Variants in CCDC138 observed in about 807,000 individuals in gnomAD.
The protein encoded by CCDC138 is coiled-coil domain containing 138, also known as coiled-coil domain-containing protein 138.
In CCDC138, 66 loss-of-function variants were observed where a neutral mutation model predicts 82.3. The observed-to-expected ratio is 0.80, with a 90% CI of 0.66 to 0.98. CCDC138 has a LOEUF of 0.98. Among genes scored for constraint, CCDC138 ranks in the 50% least tolerant of loss-of-function variants. The pLI is 0.00. For synonymous variants in CCDC138, 297 were observed against 265.4 expected, an observed-to-expected ratio of 1.12 and a Z score of -1.16; for missense variants, 816 against 758.9, an observed-to-expected ratio of 1.08 and a Z score of -0.88.
At chr2:108,846,190 C>T (rs1167362583) in intron 11 of CCDC138, among the ~76,000 whole-genome samples, 1 of 152,040 alleles carries the variant, frequency 6.6e-6, no homozygotes, top group Non-Finnish European at 1.5e-5. Context: ...GGTAGTCCAC[C>T]TCTGTTCCCT....
chr2:108,838,149 A>T (rs1688880312), intron 10 of CCDC138, among the ~76,000 whole-genome samples: 1 of 152,058 alleles, frequency 6.6e-6, no homozygotes, highest in African/African-American at 2.4e-5. Context: ...GCCTCCTGGG[A>T]TACAAGGGCC....
At chr2:108,821,742 C>G (rs1685738758) in intron 10 of CCDC138, among the ~76,000 whole-genome samples, 1 of 151,504 alleles carries the variant, frequency 6.6e-6, no homozygotes, top group Non-Finnish European at 1.5e-5. Context: ...GTCAGAAGTT[C>G]AAGACCAGCC....
intron 13 of CCDC138, among the ~76,000 whole-genome samples, chr2:108,861,601 C>T (rs1247261918): frequency 6.6e-6 from 1 of 151,806 alleles, no homozygotes. Context: ...CTGCCTCAGC[C>T]TCCTGAGTAG....
intron 10 of CCDC138, among the ~76,000 whole-genome samples, chr2:108,828,330 C>CT (rs1258268762): frequency 6.6e-6 from 1 of 151,956 alleles, no homozygotes; most frequent in Non-Finnish European, 1.5e-5. Context: ...AAACATAAAA[C>CT]TTTTATATGT....
At chr2:108,814,781 GC>G (rs1336443127) in intron 9 of CCDC138, among the ~76,000 whole-genome samples, 1 of 150,722 alleles carries the variant, frequency 6.6e-6, no homozygotes, top group African/African-American at 2.4e-5. Flanking sequence ...GATTACAGGC[GC>G]CCACCACCAC....
rs549865014 is a variant in CCDC138 at position 108,854,106 on chromosome 2, AATAT to A, written c.1517-2682_1517-2679del. Among the ~76,000 whole-genome samples, 372 of 134,186 alleles carry A rather than the reference AATAT, an allele frequency of 2.8e-3. 1 individual carries two copies. Among genetic ancestry groups the A allele is most frequent in the African/African-American group, 9.9e-3 (351 of 35,576 alleles). The allele number at this position is 134,186 out of a possible 152,430, so 88.0% of individuals were successfully genotyped here. A position where few individuals can be genotyped will look rare whatever the true frequency, so the allele number is the denominator to read the frequency against. On this transcript the variant is annotated intron_variant, in intron 12 of 14. Transcript: ENST00000295124. ...ATAAATTTATATTATATATATAATA[AATAT>A]ATATAATATATACATATGTAGAAAA...
At chr2:108,818,237 G>A (rs1685108731) in intron 10 of CCDC138, among the ~76,000 whole-genome samples, 1 of 152,200 alleles carries the variant, frequency 6.6e-6, no homozygotes, top group East Asian at 1.9e-4. Context: ...ACCTGGGGGG[G>A]TCGAGGCTGC....
intron 4 of CCDC138, among the ~76,000 whole-genome samples, chr2:108,794,270 G>C (rs1649332): frequency 6.6e-6 from 1 of 152,042 alleles, no homozygotes; most frequent in African/African-American, 2.4e-5. Context: ...GGCAATTAGT[G>C]TCTTTTTATA....
At chr2:108,788,746 G>T in intron 2 of CCDC138, 106 bp from the exon 3 acceptor site, 2 of 1,443,108 alleles carry the variant, frequency 1.4e-6, no homozygotes, top group Non-Finnish European at 1.8e-6. Context: ...AAAAAAATTT[G>T]AGAGAGAAGA....
intron 13 of CCDC138, among the ~76,000 whole-genome samples, chr2:108,867,844 T>C (rs1229089352): frequency 6.6e-6 from 1 of 152,220 alleles, no homozygotes; most frequent in East Asian, 1.9e-4. Flanking sequence ...ATAAAAGCCT[T>C]ACTAACTAGA....
chr2:108,884,161 C>G (rs1471570297), intron 2 of CCDC138: 1 of 152,648 alleles, frequency 6.6e-6, no homozygotes, highest in Non-Finnish European at 1.5e-5. Context: ...CCTCGGCTTC[C>G]TAAAGTGTTG....
At chr2:108,813,727 CTTCCACTATCCTAGAATATAGAACT>C (rs1684291755) in intron 9 of CCDC138, among the ~76,000 whole-genome samples, 1 of 152,096 alleles carries the variant, frequency 6.6e-6, no homozygotes, top group Admixed American at 6.6e-5. Context: ...ATACAGAATA[CTTCCACTATCCTAGAATATAGAACT>C]TTCCACTATC....
chr2:108,800,789 C>G (rs1681819379), intron 6 of CCDC138, among the ~76,000 whole-genome samples: 1 of 115,346 alleles, frequency 8.7e-6, no homozygotes. Flanking sequence ...CCCCCCACCC[C>G]ACCACAGTCC....
At chr2:108,885,479 T>C (rs1395117845), downstream of CCDC138, 6 of 152,246 alleles carry the variant, frequency 3.9e-5, no homozygotes, top group Non-Finnish European at 7.3e-5. Context: ...GAAAAGTAAG[T>C]ACTGTATCTG....
intron 1 of CCDC138, 144 bp from the exon 2 acceptor site, chr2:108,787,888 T>A (rs1459223036): frequency 1.5e-6 from 1 of 668,866 alleles, no homozygotes; most frequent in Non-Finnish European, 2.4e-6. Context: ...TTGATGATAT[T>A]AGTTTTGATC....
downstream of CCDC138, among the ~76,000 whole-genome samples, chr2:108,879,606 T>C (rs1451949362): frequency 6.6e-6 from 1 of 152,148 alleles, no homozygotes; most frequent in Non-Finnish European, 1.5e-5. Flanking sequence ...GAAAAATATA[T>C]TTTGGCCAGG....
chr2:108,871,360 C>G (rs1158581446), intron 13 of CCDC138, among the ~76,000 whole-genome samples: 1 of 133,250 alleles, frequency 7.5e-6, no homozygotes, highest in Non-Finnish European at 1.6e-5. Flanking sequence ...TGATGAAACC[C>G]CAACTCTATT....
chr2:108,885,161 C>G (rs1181996100), exon 3 of CCDC138: 1 of 152,304 alleles, frequency 6.6e-6, no homozygotes, highest in African/African-American at 2.4e-5. Context: ...CCCACCTTTA[C>G]CCGCCCCCAA....
chr2:108,874,960 A>G (rs1385312494), intron 14 of CCDC138, among the ~76,000 whole-genome samples: 1 of 151,608 alleles, frequency 6.6e-6, no homozygotes, highest in African/African-American at 2.4e-5. Flanking sequence ...GTGCAAGTAT[A>G]ACCTTGGGCC....
Sources: allele counts gnomAD v4.1 joint callset (sites outside exome capture counted in the v4.1 genomes callset), GRCh38; gene constraint gnomAD v4.1.1; transcripts MANE v1.5; gene names NCBI Gene and HGNC (gene_info 2026-07-23, HGNC 2026-07-21).